Variants in ETAA1 observed in about 807,000 individuals in gnomAD.
ETAA1 encodes ETAA1 activator of ATR kinase, also known as ewing's tumor-associated antigen 1.
A neutral mutation model predicts 76.8 loss-of-function variants in ETAA1; 49 were observed. That is an observed-to-expected ratio of 0.64 (90% CI 0.51 to 0.81). The LOEUF (loss-of-function observed/expected upper bound fraction) is 0.81, where lower values mean the gene tolerates loss of function less well. Ranked by LOEUF, ETAA1 falls within the 30% of genes least tolerant of loss-of-function variation. The pLI is 0.00. For synonymous variants in ETAA1, 373 were observed against 372.2 expected (o/e 1.00, Z -0.03); for missense variants, 1,099 against 1,074.0 (o/e 1.02, Z -0.32).
intron 5 of ETAA1, among the ~76,000 whole-genome samples, chr2:67,407,220 A>C (rs1676244134): frequency 6.6e-6 from 1 of 150,826 alleles, no homozygotes; most frequent in Non-Finnish European, 1.5e-5. Context: ...CATAAGATAC[A>C]CTGACACTAA....
chr2:67,398,609 T>G (rs1305948811), intron 1 of ETAA1, among the ~76,000 whole-genome samples: 1 of 152,088 alleles, frequency 6.6e-6, no homozygotes, highest in Non-Finnish European at 1.5e-5. Context: ...GTGCTGGGAT[T>G]ACAGCCACCG....
At chr2:67,405,971 A>G (rs895951530) in intron 5 of ETAA1, among the ~76,000 whole-genome samples, 1 of 152,014 alleles carries the variant, frequency 6.6e-6, no homozygotes, top group Non-Finnish European at 1.5e-5. Flanking sequence ...ACAAGTTAAC[A>G]TTTCTTGATG....
chr2:67,407,445 A>G (rs959452567), intron 5 of ETAA1, among the ~76,000 whole-genome samples: 3 of 152,182 alleles, frequency 2.0e-5, no homozygotes, highest in Middle Eastern at 3.4e-3. Flanking sequence ...TAATAATTTT[A>G]AGTATTTAAA....
chr2:67,399,916 G>A (rs202237430), intron 3 of ETAA1, among the ~76,000 whole-genome samples: 1 of 21,628 alleles, frequency 4.6e-5, no homozygotes, highest in Non-Finnish European at 9.6e-5. Context: ...AACAACATAC[G>A]ACATCATTTT....
At position 67,403,672 on chromosome 2, in the gene ETAA1, G is replaced by A; in HGVS notation, c.990G>A (p.Leu330=). The part of the protein sequence containing the change: ...KEEKIITNET[L]VIEKLSNKTP... ...AGAAAATCATTACTAATGAAACTCT[G>A]GTCATTGAAAAACTGTCAAATAAAA... The change falls in exon 5 of 6, where the codon CTG becomes CTA. Residue 330 remains leucine, a synonymous_variant. Coordinates refer to ENST00000272342, the MANE Select transcript of ETAA1 (RefSeq NM_019002.4). 1 of 1,613,262 alleles carries A rather than the reference G, an allele frequency of 6.2e-7. No homozygotes were observed.
chr2:67,397,819 A>C lies in ETAA1; in HGVS notation c.223+148A>C, dbSNP rs970092094. ...CCCTCGAGAGTCCAAAAATAATCCT[A>C]TACCACTCCCCGATGGGCTTTTGTC... On this transcript the variant is annotated intron_variant, in intron 1 of 5. Transcript: ENST00000272342. 7 of 788,218 alleles carry C rather than the reference A, an allele frequency of 8.9e-6. No individual in the cohort carries two copies. The Admixed American group carries it at 1.3e-4, about 14-fold the overall frequency. 48.8% of individuals were successfully genotyped at this position (788,218 alleles called of 1,614,324 possible). A position where few individuals can be genotyped will look rare whatever the true frequency, so the allele number is the denominator to read the frequency against.
chr2:67,405,302 A>G lies in ETAA1; in HGVS notation c.2620A>G (p.Lys874Glu). The G allele has an allele frequency of 1.3e-6, 2 of 1,553,882 alleles. No individual in the cohort carries two copies. Among genetic ancestry groups the G allele is most frequent in the African/African-American group, 2.8e-5 (2 of 72,336 alleles). ...EEAVGQQSLV[K>E]LSESLKQSSK... Reference sequence around the variant, plus strand: ...AGCTGTTGGACAGCAATCTTTGGTGAAACTTTCTGAATCTTTGAAACAATC... The same window carrying G: ...AGCTGTTGGACAGCAATCTTTGGTGGAACTTTCTGAATCTTTGAAACAATC... The change falls in exon 5 of 6, where the codon AAA becomes GAA. Residue 874 changes from lysine (K) to glutamate (E), a missense_variant. By Grantham distance (56) the Lys-to-Glu change is moderately conservative. This residue lies in a region of ETAA1 where 302 missense variants were observed against 278.1 expected (regional missense o/e 1.09). Transcript: ENST00000272342.
At chr2:67,401,814 T>G (rs762953801) in intron 3 of ETAA1, 1 of 151,118 alleles carries the variant, frequency 6.6e-6, no homozygotes, top group East Asian at 1.9e-4. Context: ...ACTGATTTTC[T>G]TGAGTATTTG....
chr2:67,400,317 A>G (rs1676017755), intron 3 of ETAA1: 1 of 152,154 alleles, frequency 6.6e-6, no homozygotes, highest in Non-Finnish European at 1.5e-5. Flanking sequence ...AACCATCTCC[A>G]AAGCTTTTTT....
Position 67,411,478 on chromosome 2 carries a change from C to G in ETAA1, c.*1440C>G, listed in dbSNP as rs1676367171. 6.6e-6 allele frequency: 1 copy of G among 152,078 alleles called. No homozygotes were observed. Among genetic ancestry groups the G allele is most frequent in the Non-Finnish European group, 1.5e-5 (1 of 68,020 alleles). 9.4% of individuals were successfully genotyped at this position (152,078 alleles called of 1,614,324 possible). A position where few individuals can be genotyped will look rare whatever the true frequency, so the allele number is the denominator to read the frequency against. ...GCCTACCTTAAACATGCTCAAATCA[C>G]TTATATTAGCCTAGAGTTGGGCACA... On this transcript the variant is annotated 3_prime_UTR_variant, in exon 6 of 6. Coordinates refer to ENST00000272342, the MANE Select transcript of ETAA1 (RefSeq NM_019002.4).
At chr2:67,398,480 C>T (rs1233217627) in intron 1 of ETAA1, among the ~76,000 whole-genome samples, 3 of 151,916 alleles carry the variant, frequency 2.0e-5, no homozygotes, top group East Asian at 1.9e-4. Context: ...GGACTACAGG[C>T]GTGTGCCACC....
At chr2:67,401,359 G>A (rs1397634452) in intron 3 of ETAA1, 5 of 151,920 alleles carry the variant, frequency 3.3e-5, no homozygotes, top group African/African-American at 1.2e-4. Context: ...AACATTTTCA[G>A]AGATAGCATT....
At chr2:67,409,684 A>G (rs1334339769) in intron 5 of ETAA1, among the ~76,000 whole-genome samples, 1 of 152,010 alleles carries the variant, frequency 6.6e-6, no homozygotes, top group African/African-American at 2.4e-5. Context: ...TCACACTGTG[A>G]AAAGAATGTA....
chr2:67,408,243 A>G (rs1223726374), intron 5 of ETAA1, among the ~76,000 whole-genome samples: 2 of 152,132 alleles, frequency 1.3e-5, no homozygotes, highest in Non-Finnish European at 2.9e-5. Flanking sequence ...GAGTTGGCAA[A>G]CTATGATCTG....
chr2:67,403,270 AC>A lies in ETAA1; in HGVS notation c.589del (p.Gln197AsnfsTer9). The A allele has an allele frequency of 6.3e-7, 1 of 1,591,254 alleles. No homozygotes were observed. The highest frequency in any genetic ancestry group is 1.1e-5 in the South Asian group (1 of 87,490). The part of the protein sequence containing the change: ...QEEELMKLAK[Q>X]FDKNMEELDV... ...AAGAAGAACTTATGAAACTGGCTAA[AC>A]AATTTGATAAAAATATGGAAGAGCT... On this transcript the variant is annotated frameshift_variant, in exon 5 of 6. Coordinates refer to ENST00000272342, the MANE Select transcript of ETAA1 (RefSeq NM_019002.4). LOFTEE classifies it high-confidence loss of function.
At chr2:67,402,812 G>T in intron 3 of ETAA1, 50 bp from the exon 4 acceptor site, 1 of 1,156,006 alleles carries the variant, frequency 8.7e-7, no homozygotes, top group Non-Finnish European at 1.2e-6. Context: ...TGGAAGACGG[G>T]GGATGCTACA....
intron 3 of ETAA1, 39 bp downstream of exon 3, chr2:67,399,665 G>T: frequency 7.4e-7 from 1 of 1,350,126 alleles, no homozygotes; most frequent in South Asian, 1.3e-5. Context: ...TTAAAACAGT[G>T]AAGAATGTGC....
At position 67,403,417 on chromosome 2, in the gene ETAA1, C is replaced by T. The variant is rs559339464; in HGVS notation, c.735C>T (p.Pro245=). The T allele has an allele frequency of 1.6e-5, 26 of 1,609,906 alleles. No individual in the cohort carries two copies. The highest frequency in any genetic ancestry group is 2.2e-5 in the East Asian group (1 of 44,840). The change falls in exon 5 of 6, where the codon CCC becomes CCT. Residue 245 remains proline, a synonymous_variant. Transcript: ENST00000272342. The part of the protein sequence containing the change: ...IQMWSLHNIV[P]EIDNATKKPI... Reference sequence around the variant, plus strand: ...TGTGGTCATTACATAATATAGTTCCCGAAATAGATAATGCTACAAAAAAGC... The same window carrying T: ...TGTGGTCATTACATAATATAGTTCCTGAAATAGATAATGCTACAAAAAAGC...
chr2:67,398,244 T>G (rs1236521496), intron 1 of ETAA1, among the ~76,000 whole-genome samples: 1 of 150,342 alleles, frequency 6.7e-6, no homozygotes, highest in African/African-American at 2.4e-5. Context: ...TTCTAGTAAA[T>G]CTTAGTTGGA....
Sources: gnomAD v4.1 joint callset for allele counts (sites outside exome capture counted in the v4.1 genomes callset) on GRCh38, gnomAD v4.1.1 for gene constraint, gnomAD v4.1.1 regional missense constraint, MANE v1.5 for transcripts, NCBI Gene and HGNC (gene_info 2026-07-23, HGNC 2026-07-21) for gene names.